AKAP8L: variants seen among roughly 807,000 people sequenced by gnomAD.
AKAP8L encodes the protein A-kinase anchor protein 8-like.
A neutral mutation model predicts 77.5 loss-of-function variants in AKAP8L; 34 were observed. The ratio of observed to expected loss-of-function variants is 0.44; its 90% CI spans 0.33 to 0.58. The LOEUF (loss-of-function observed/expected upper bound fraction) is 0.58. AKAP8L is among the 20% of genes least tolerant of loss of function. AKAP8L has a pLI of 0.02. For missense variants in AKAP8L, 806 were observed against 887.6 expected (o/e 0.91, Z 1.17); for synonymous variants, 342 against 340.7 (o/e 1.00, Z -0.04).
chr19:15,404,157 T>A (rs1967954264), intron 2 of AKAP8L, 115 bp from the exon 3 acceptor site: 2 of 1,062,326 alleles, frequency 1.9e-6, no homozygotes, highest in Non-Finnish European at 2.8e-6. Context: ...GCACCTCCCC[T>A]AACCGAGAAG....
intron 2 of AKAP8L, among the ~76,000 whole-genome samples, chr19:15,409,109 C>T (rs1356932004): frequency 2.0e-5 from 3 of 151,948 alleles, no homozygotes; most frequent in African/African-American, 7.3e-5. Flanking sequence ...GATATAAAAG[C>T]AAAACCATCA....
chr19:15,394,311 C>A (rs890432561), intron 12 of AKAP8L, among the ~76,000 whole-genome samples: 8 of 152,018 alleles, frequency 5.3e-5, no homozygotes, highest in Non-Finnish European at 1.2e-4. Context: ...GTGAAAGAAG[C>A]CAATCACAGA....
chr19:15,390,229 A>T (rs1423074016), intron 12 of AKAP8L, among the ~76,000 whole-genome samples: 2 of 152,114 alleles, frequency 1.3e-5, no homozygotes, highest in Non-Finnish European at 2.9e-5. Context: ...CAGCCTGGGT[A>T]ACATGACAAA....
chr19:15,386,104 G>T (rs990983437), intron 12 of AKAP8L, among the ~76,000 whole-genome samples: 1 of 151,716 alleles, frequency 6.6e-6, no homozygotes. Context: ...TAGAGATGGG[G>T]TTTCACCGTG....
chr19:15,387,245 G>T lies in AKAP8L; in HGVS notation c.1537-6633C>A, dbSNP rs574497884. 2.0e-3 allele frequency among the ~76,000 whole-genome samples: 306 copies of T among 152,278 alleles called. 2 individuals carry two copies. The highest frequency in any genetic ancestry group is 6.9e-3 in the African/African-American group (288 of 41,556). Reference sequence around the variant, plus strand: ...AAGTGGCAGAGTCACTCAGAGAGAGGTACTCCATTGTCTCCATCCCCAGAG... The same window carrying T: ...AAGTGGCAGAGTCACTCAGAGAGAGTTACTCCATTGTCTCCATCCCCAGAG... On this transcript the variant is annotated intron_variant, in intron 12 of 13. Coordinates refer to ENST00000397410, the MANE Select transcript of AKAP8L (RefSeq NM_014371.4).
intron 12 of AKAP8L, among the ~76,000 whole-genome samples, chr19:15,381,628 T>A (rs1967419690): frequency 6.6e-6 from 1 of 152,208 alleles, no homozygotes; most frequent in African/African-American, 2.4e-5. Context: ...CATTTTTTTT[T>A]TTCCTTAGCA....
rs771199458 is a variant in AKAP8L at position 15,397,126 on chromosome 19, A to C, written c.1536+24T>G. The C allele has an allele frequency of 6.2e-7, 1 of 1,612,832 alleles. No homozygotes were observed. Among genetic ancestry groups the C allele is most frequent in the Non-Finnish European group, 8.5e-7 (1 of 1,179,610 alleles). ...CTCACTCAATCTACCCACAGGACAGAGGGAGAGCACTGTGGCCACTCACCC... is the reference window on the plus strand; with the variant it reads ...CTCACTCAATCTACCCACAGGACAGCGGGAGAGCACTGTGGCCACTCACCC... On this transcript the variant is annotated intron_variant, in intron 12 of 13. Coordinates refer to ENST00000397410, the MANE Select transcript of AKAP8L (RefSeq NM_014371.4). The surrounding 1 kb of genome is among the most constrained non-coding windows in gnomAD (Gnocchi z 4.7).
chr19:15,388,293 C>T (rs1967583049), intron 12 of AKAP8L, among the ~76,000 whole-genome samples: 1 of 151,952 alleles, frequency 6.6e-6, no homozygotes, highest in East Asian at 1.9e-4. Flanking sequence ...AGAGTTGCCA[C>T]AACAAATTAT....
rs1043075051 is a variant in AKAP8L at position 15,399,792 on chromosome 19, G to A, written c.1049-382C>T. 2.4e-5 allele frequency: 8 copies of A among 330,406 alleles called. No homozygotes were observed. The highest frequency in any genetic ancestry group is 1.7e-4 in the South Asian group (5 of 29,476). 20.5% of individuals were successfully genotyped at this position (330,406 alleles called of 1,614,324 possible). A position where few individuals can be genotyped will look rare whatever the true frequency, so the allele number is the denominator to read the frequency against. ...CCCTGCCCACCCCCAACCGGGCACC[G>A]CGGCAACAGTGGGCTGACGCTGGAT... On this transcript the variant is annotated intron_variant, in intron 8 of 13. Coordinates refer to ENST00000397410, the MANE Select transcript of AKAP8L (RefSeq NM_014371.4). This position sits in a 1 kb window ranked among gnomAD's most constrained non-coding sequence, Gnocchi z 6.1.
At chr19:15,391,576 G>C (rs542353734) in intron 12 of AKAP8L, among the ~76,000 whole-genome samples, 7 of 50,796 alleles carry the variant, frequency 1.4e-4, no homozygotes, top group African/African-American at 5.7e-4. Context: ...ATCTCGCTGT[G>C]TCTCCCAGGC....
chr19:15,400,393 C>A lies in AKAP8L; in HGVS notation c.985-35G>T, dbSNP rs759866272. The A allele has an allele frequency of 7.8e-6, 12 of 1,545,874 alleles. No individual in the cohort carries two copies. The South Asian group carries it at 9.5e-5, about 12-fold the overall frequency. On this transcript the variant is annotated intron_variant, in intron 7 of 13. Transcript: ENST00000397410. ...TCAAATTCCAACTTTAAAACAGGTG[C>A]CTTTTTTTTTTTTTTTAAAAGAAAC...
chr19:15,411,115 C>G (rs1460486235), intron 1 of AKAP8L, among the ~76,000 whole-genome samples: 1 of 152,046 alleles, frequency 6.6e-6, no homozygotes, highest in Non-Finnish European at 1.5e-5. Flanking sequence ...AGCCTGGCCC[C>G]AAATAAAAAT....
At chr19:15,415,748 T>A (rs372042063) in intron 1 of AKAP8L, among the ~76,000 whole-genome samples, 6 of 151,954 alleles carry the variant, frequency 3.9e-5, no homozygotes, top group Admixed American at 6.6e-5. Flanking sequence ...TAGCCGGGTG[T>A]GGTGGCGGGC....
Position 15,403,975 on chromosome 19 carries a change from A to G in AKAP8L, c.121+35T>C. Reference sequence around the variant, plus strand: ...GAGAAACACAGCCAGGACAACCCCAAGGGACAGGACAGCAATCACAGGAAT... The same window carrying G: ...GAGAAACACAGCCAGGACAACCCCAGGGGACAGGACAGCAATCACAGGAAT... On this transcript the variant is annotated intron_variant, in intron 3 of 13. Coordinates refer to ENST00000397410, the MANE Select transcript of AKAP8L (RefSeq NM_014371.4). This position sits in a 1 kb window ranked among gnomAD's most constrained non-coding sequence, Gnocchi z 4.3. The G allele has an allele frequency of 6.2e-7, 1 of 1,612,638 alleles. No homozygotes were observed. The highest frequency in any genetic ancestry group is 1.3e-5 in the African/African-American group (1 of 74,990).
rs751130320 is a variant in AKAP8L at position 15,403,680 on chromosome 19, GGCCATAGCCATA to G, written c.145_156del (p.Tyr49_Gly52del). 17 of 1,607,322 alleles carry G rather than the reference GGCCATAGCCATA, an allele frequency of 1.1e-5. No homozygotes were observed. Among genetic ancestry groups the G allele is most frequent in the South Asian group, 4.4e-5 (4 of 90,338 alleles). The stretch of plus-strand genomic sequence containing the variant: ...TACCCATAGTTGGTGGTGTTATCCT[GGCCATAGCCATA>G]GCCATAGCCATAGCCCTCGTAGCCT... On this transcript the variant is annotated inframe_deletion, in exon 4 of 14. Coordinates refer to ENST00000397410, the MANE Select transcript of AKAP8L (RefSeq NM_014371.4). The surrounding 1 kb of genome is among the most constrained non-coding windows in gnomAD (Gnocchi z 4.3).
Position 15,397,992 on chromosome 19 carries a change from A to G in AKAP8L, c.1158-137T>C. The G allele has an allele frequency of 1.8e-6, 2 of 1,106,598 alleles. No homozygotes were observed. The highest frequency in any genetic ancestry group is 3.1e-5 in the South Asian group (2 of 64,976). The allele number at this position is 1,106,598 out of a possible 1,614,324, so 68.5% of individuals were successfully genotyped here. A position where few individuals can be genotyped will look rare whatever the true frequency, so the allele number is the denominator to read the frequency against. On this transcript the variant is annotated intron_variant, in intron 9 of 13. Transcript: ENST00000397410. The surrounding 1 kb of genome is among the most constrained non-coding windows in gnomAD (Gnocchi z 4.7). ...TGAAGTACGGTCCCAGCAGAGGGACAGGCTGGGACCAGTGGGGTCGGGAGT... is the reference window on the plus strand; with the variant it reads ...TGAAGTACGGTCCCAGCAGAGGGACGGGCTGGGACCAGTGGGGTCGGGAGT...
At chr19:15,386,802 G>T (rs1389535402) in intron 12 of AKAP8L, among the ~76,000 whole-genome samples, 1 of 152,164 alleles carries the variant, frequency 6.6e-6, no homozygotes, top group Non-Finnish European at 1.5e-5. Context: ...GGGATTACAA[G>T]TGCCCGCCAC....
Position 15,399,689 on chromosome 19 carries a change from GA to G in AKAP8L, c.1049-280del. 2.1e-6 allele frequency: 1 copy of G among 475,112 alleles called. No individual in the cohort carries two copies. Among genetic ancestry groups the G allele is most frequent in the Non-Finnish European group, 3.8e-6 (1 of 260,212 alleles). The allele number at this position is 475,112 out of a possible 1,614,324, so 29.4% of individuals were successfully genotyped here. ...GGCCAGGAGGAGGCTGGAAAGCAAA[GA>G]GGGGGTATCTTTGTGGGGACACTGG... On this transcript the variant is annotated intron_variant, in intron 8 of 13. Coordinates refer to ENST00000397410, the MANE Select transcript of AKAP8L (RefSeq NM_014371.4). The surrounding 1 kb of genome is among the most constrained non-coding windows in gnomAD (Gnocchi z 6.1).
chr19:15,402,243 G>A (rs12972998), intron 4 of AKAP8L, among the ~76,000 whole-genome samples: 122,764 of 152,034 alleles, frequency 0.81, 49,938 homozygotes, highest in East Asian at 0.99. Flanking sequence ...TATATACCCT[G>A]TATTGCAACT....
Sources: gnomAD v4.1 joint callset for allele counts (sites outside exome capture counted in the v4.1 genomes callset) on GRCh38, gnomAD v4.1.1 for gene constraint, Gnocchi (gnomAD v3.1) non-coding constraint, MANE v1.5 for transcripts, NCBI Gene and HGNC (gene_info 2026-07-23, HGNC 2026-07-21) for gene names.